The following DNER variants were observed in gnomAD, a reference collection of about 807,000 sequenced individuals.
DNER encodes the protein delta/notch like EGF repeat containing.
DNER carries 33 observed loss-of-function variants against 78.2 expected under a neutral mutation model. The observed-to-expected ratio is 0.42, with a 90% CI of 0.32 to 0.56. DNER has a LOEUF of 0.56. Ranked by LOEUF, DNER falls within the 20% of genes least tolerant of loss-of-function variation. The pLI is 0.11. For missense variants in DNER, 918 were observed against 975.3 expected, an observed-to-expected ratio of 0.94 and a Z score of 0.78; for synonymous variants, 417 against 384.8, an observed-to-expected ratio of 1.08 and a Z score of -0.98.
intron 6 of DNER, among the ~76,000 whole-genome samples, chr2:229,486,431 A>G (rs1695275374): frequency 6.6e-6 from 1 of 151,926 alleles, no homozygotes. Context: ...AACATTGGGG[A>G]AAAAAGTAAC....
intron 10 of DNER, among the ~76,000 whole-genome samples, chr2:229,404,213 T>G (rs1258604388): frequency 6.6e-6 from 1 of 152,078 alleles, no homozygotes; most frequent in African/African-American, 2.4e-5. Context: ...GGTATATTAG[T>G]CTGTTCTCAC....
At chr2:229,597,417 A>G (rs1311947761) in intron 1 of DNER, among the ~76,000 whole-genome samples, 1 of 152,178 alleles carries the variant, frequency 6.6e-6, no homozygotes, top group Non-Finnish European at 1.5e-5. Flanking sequence ...ATTTTTTTAA[A>G]GTTCGTATTT....
At chr2:229,431,585 G>GA (rs796410008) in intron 8 of DNER, among the ~76,000 whole-genome samples, 180 of 119,552 alleles carry the variant, frequency 1.5e-3, no homozygotes, top group African/African-American at 5.0e-3. Flanking sequence ...AGTGAAAAAG[G>GA]AAAAAAAAAA....
intron 1 of DNER, among the ~76,000 whole-genome samples, chr2:229,665,697 G>T (rs988606366): frequency 6.6e-6 from 1 of 151,960 alleles, no homozygotes; most frequent in Admixed American, 6.6e-5. Context: ...TGCATAGCTG[G>T]ATTCAAAGTC....
chr2:229,519,828 G>GT, intron 5 of DNER, among the ~76,000 whole-genome samples: 1 of 152,272 alleles, frequency 6.6e-6, no homozygotes, highest in East Asian at 1.9e-4. Flanking sequence ...GATTTCTGTG[G>GT]TTTTTCTACT....
At chr2:229,613,299 T>C (rs756714153) in intron 1 of DNER, among the ~76,000 whole-genome samples, 1 of 152,178 alleles carries the variant, frequency 6.6e-6, no homozygotes, top group Non-Finnish European at 1.5e-5. Context: ...GTATGAACCA[T>C]TGTAAAAAGC....
At chr2:229,702,564 A>T (rs7560653) in intron 1 of DNER, among the ~76,000 whole-genome samples, 19,944 of 151,922 alleles carry the variant, frequency 0.13, 1,539 homozygotes, top group East Asian at 0.29. Flanking sequence ...TGATGATTTT[A>T]AAAAAAGAGT....
intron 1 of DNER, among the ~76,000 whole-genome samples, chr2:229,627,969 A>T (rs1327410777): frequency 6.6e-6 from 1 of 152,176 alleles, no homozygotes; most frequent in Non-Finnish European, 1.5e-5. Flanking sequence ...CTTTCCAATC[A>T]GGAGGTAGAG....
intron 6 of DNER, among the ~76,000 whole-genome samples, chr2:229,496,170 T>C (rs1229958315): frequency 6.6e-6 from 1 of 152,208 alleles, no homozygotes; most frequent in Non-Finnish European, 1.5e-5. Flanking sequence ...CCTCTTAGAT[T>C]TTCTTGCAGT....
chr2:229,627,698 A>G (rs1698369276), intron 1 of DNER, among the ~76,000 whole-genome samples: 1 of 152,214 alleles, frequency 6.6e-6, no homozygotes, highest in Non-Finnish European at 1.5e-5. Flanking sequence ...GACTCCCAGT[A>G]AAAACAAGCT....
At chr2:229,420,690 T>C (rs1455915566) in intron 8 of DNER, among the ~76,000 whole-genome samples, 1 of 152,058 alleles carries the variant, frequency 6.6e-6, no homozygotes, top group Non-Finnish European at 1.5e-5. Flanking sequence ...CAAATTAAAA[T>C]CATAACAAAA....
intron 1 of DNER, among the ~76,000 whole-genome samples, chr2:229,666,783 G>A (rs1699099491): frequency 6.6e-6 from 1 of 152,198 alleles, no homozygotes; most frequent in African/African-American, 2.4e-5. Flanking sequence ...TCTGTTGGGA[G>A]CCAGAAAGAC....
chr2:229,400,517 G>A (rs1426021647), intron 10 of DNER, among the ~76,000 whole-genome samples: 2 of 151,904 alleles, frequency 1.3e-5, no homozygotes, highest in Admixed American at 6.6e-5. Context: ...GTGCCAGAAC[G>A]TATATATGTT....
chr2:229,709,167 G>A (rs919672403), intron 1 of DNER, among the ~76,000 whole-genome samples: 1 of 152,122 alleles, frequency 6.6e-6, no homozygotes, highest in Admixed American at 6.5e-5. Flanking sequence ...CCTTTTCTTA[G>A]TATATCTTTT....
At chr2:229,478,282 T>C (rs924547451) in intron 6 of DNER, among the ~76,000 whole-genome samples, 3 of 152,196 alleles carry the variant, frequency 2.0e-5, no homozygotes, top group African/African-American at 7.2e-5. Context: ...AATCTTGTCT[T>C]TCTGAATTAT....
Position 229,668,516 on chromosome 2 carries a change from ATG to A in DNER, c.276+45630_276+45631del, listed in dbSNP as rs60983481. The stretch of plus-strand genomic sequence containing the variant: ...TATACTTACCTATATATAGGTAAGT[ATG>A]TGTGTGTGTGTGTGTGTGTATATAT... On this transcript the variant is annotated intron_variant, in intron 1 of 12. Transcript: ENST00000341772. 8.6e-3 allele frequency among the ~76,000 whole-genome samples: 515 copies of A among 59,760 alleles called. 7 individuals are homozygous for A. The highest frequency in any genetic ancestry group is 0.017 in the South Asian group (28 of 1,616). 39.2% of individuals were successfully genotyped at this position (59,760 alleles called of 152,430 possible).
At chr2:229,637,552 A>G (rs908582529) in intron 1 of DNER, among the ~76,000 whole-genome samples, 1 of 152,134 alleles carries the variant, frequency 6.6e-6, no homozygotes, top group African/African-American at 2.4e-5. Context: ...TATCATCCAC[A>G]CTCTTGAAAT....
chr2:229,620,554 G>A (rs72991648), intron 1 of DNER, among the ~76,000 whole-genome samples: 3,352 of 152,280 alleles, frequency 0.022, 50 homozygotes, highest in Middle Eastern at 0.034. Context: ...AGCCCTCTGC[G>A]GTTTGGGGTG....
chr2:229,615,055 C>T (rs111790225), intron 1 of DNER, among the ~76,000 whole-genome samples: 18,752 of 151,988 alleles, frequency 0.12, 3,815 homozygotes, highest in African/African-American at 0.43. Context: ...GGCAGGGAAG[C>T]TGGTGACACC....
Sources: gnomAD v4.1 joint callset for allele counts (sites outside exome capture counted in the v4.1 genomes callset) on GRCh38, gnomAD v4.1.1 for gene constraint, MANE v1.5 for transcripts, NCBI Gene and HGNC (gene_info 2026-07-23, HGNC 2026-07-21) for gene names.